PCSK2: variants seen among roughly 807,000 people sequenced by gnomAD.
PCSK2 encodes the protein neuroendocrine convertase 2.
PCSK2 carries 14 observed loss-of-function variants against 69.7 expected under a neutral mutation model. The observed-to-expected ratio is 0.20, with a 90% CI of 0.13 to 0.31. The LOEUF (loss-of-function observed/expected upper bound fraction) is 0.31. PCSK2 is among the 10% of genes least tolerant of loss of function. The probability of loss-of-function intolerance (pLI) is 1.00; values close to 1 mark genes in which losing one functional copy is unlikely to be tolerated. For synonymous variants in PCSK2, 307 were observed against 320.7 expected, an observed-to-expected ratio of 0.96 and a Z score of 0.46; for missense variants, 544 against 842.5, an observed-to-expected ratio of 0.65 and a Z score of 4.39.
At chr20:17,272,245 G>A (rs968904547) in intron 2 of PCSK2, among the ~76,000 whole-genome samples, 12 of 152,050 alleles carry the variant, frequency 7.9e-5, no homozygotes, top group African/African-American at 1.9e-4. Flanking sequence ...ATCCAGGTCT[G>A]CTCTGATTAT....
chr20:17,350,748 T>C (rs1218722983), intron 2 of PCSK2, among the ~76,000 whole-genome samples: 1 of 152,110 alleles, frequency 6.6e-6, no homozygotes, highest in Non-Finnish European at 1.5e-5. Flanking sequence ...CACAGTTTTG[T>C]TGGGAAGATT....
rs61156656 is a variant in PCSK2 at position 17,450,017 on chromosome 20, C to CTTTTTTTTTTTTTT, written c.886-3708_886-3695dup. ...TTTTTAAGTTTGTTGAATTTCTTCC[C>CTTTTTTTTTTTTTT]TTTTTTTTTTTTTTTTTTTTTTTTT... On this transcript the variant is annotated intron_variant, in intron 8 of 11. Transcript: ENST00000262545. Among the ~76,000 whole-genome samples the CTTTTTTTTTTTTTT allele has an allele frequency of 1.1e-3, 69 of 61,834 alleles. 12 individuals carry two copies. Among genetic ancestry groups the CTTTTTTTTTTTTTT allele is most frequent in the Non-Finnish European group, 1.6e-3 (56 of 34,974 alleles). 40.6% of individuals were successfully genotyped at this position (61,834 alleles called of 152,430 possible).
chr20:17,398,248 G>T (rs1425196375), intron 5 of PCSK2, among the ~76,000 whole-genome samples: 7 of 152,140 alleles, frequency 4.6e-5, no homozygotes, highest in Non-Finnish European at 1.0e-4. Context: ...GTGTGGGCTG[G>T]ATGCAGTGTC....
intron 5 of PCSK2, among the ~76,000 whole-genome samples, chr20:17,383,670 A>G (rs1457612943): frequency 6.6e-6 from 1 of 151,976 alleles, no homozygotes; most frequent in Admixed American, 6.5e-5. Context: ...AAGAAAGAGG[A>G]AAAAAACCAA....
chr20:17,478,227 GT>G (rs911521889), intron 11 of PCSK2, among the ~76,000 whole-genome samples: 2 of 151,788 alleles, frequency 1.3e-5, no homozygotes, highest in South Asian at 2.1e-4. Context: ...TAAAACAACT[GT>G]TTTTTTTCCT....
At chr20:17,267,579 CAG>C (rs1987669226) in intron 2 of PCSK2, among the ~76,000 whole-genome samples, 1 of 152,114 alleles carries the variant, frequency 6.6e-6, no homozygotes, top group Admixed American at 6.6e-5. Context: ...TTGTGGGGAA[CAG>C]GGGAGAATTA....
At chr20:17,283,251 G>C (rs1279614527) in intron 2 of PCSK2, among the ~76,000 whole-genome samples, 3 of 152,182 alleles carry the variant, frequency 2.0e-5, no homozygotes, top group Non-Finnish European at 4.4e-5. Flanking sequence ...TAAATGAATA[G>C]ATAGGTAAAG....
intron 2 of PCSK2, among the ~76,000 whole-genome samples, chr20:17,347,302 T>A (rs892364025): frequency 6.6e-6 from 1 of 152,208 alleles, no homozygotes; most frequent in Admixed American, 6.5e-5. Context: ...TCCTGGCATC[T>A]GACTGCCATG....
At chr20:17,409,119 A>G (rs1387705577) in intron 5 of PCSK2, 144 bp from the exon 6 acceptor site, 17 of 651,640 alleles carry the variant, frequency 2.6e-5, no homozygotes, top group Non-Finnish European at 4.1e-5. Flanking sequence ...CTTTGGCTCC[A>G]ACACAATTTT....
chr20:17,456,487 G>A (rs771521126), intron 10 of PCSK2, 39 bp downstream of exon 10: 1 of 1,121,784 alleles, frequency 8.9e-7, no homozygotes, highest in African/African-American at 1.5e-5. Context: ...AGCTCTGCAG[G>A]GTGGACTAAC....
Position 17,394,926 on chromosome 20 carries a change from A to G in PCSK2, c.544-14337A>G, listed in dbSNP as rs535778989. ...TAGCTGTGAAAAGAACCAGAAGTGC[A>G]TTTAATCTTTCTTCAGAACAGTTGG... On this transcript the variant is annotated intron_variant, in intron 5 of 11. Coordinates refer to ENST00000262545, the MANE Select transcript of PCSK2 (RefSeq NM_002594.5). 1.8e-4 allele frequency among the ~76,000 whole-genome samples: 27 copies of G among 152,356 alleles called. No individual in the cohort carries two copies. In the South Asian group the frequency reaches 5.4e-3, roughly 30 times the overall value.
intron 7 of PCSK2, among the ~76,000 whole-genome samples, chr20:17,431,015 C>T (rs1213411872): frequency 6.6e-6 from 1 of 152,128 alleles, no homozygotes; most frequent in African/African-American, 2.4e-5. Flanking sequence ...ATTGAGTGCT[C>T]ATCAAATGTA....
At chr20:17,387,526 C>A (rs533866545) in intron 5 of PCSK2, among the ~76,000 whole-genome samples, 2 of 152,240 alleles carry the variant, frequency 1.3e-5, no homozygotes, top group South Asian at 2.1e-4. Context: ...CCTCCTTGCA[C>A]GTAGCTCTCC....
intron 1 of PCSK2, among the ~76,000 whole-genome samples, chr20:17,254,765 G>T (rs900965927): frequency 1.3e-5 from 2 of 152,186 alleles, no homozygotes; most frequent in Non-Finnish European, 2.9e-5. Flanking sequence ...AGAATTTACA[G>T]ATAAGTTAGG....
chr20:17,406,416 A>G (rs1409476937), intron 5 of PCSK2, among the ~76,000 whole-genome samples: 2 of 152,248 alleles, frequency 1.3e-5, no homozygotes, highest in Non-Finnish European at 2.9e-5. Context: ...TTAGTCATCA[A>G]AACTTCATTG....
In PCSK2 at chr20:17,436,709, C is replaced by T. The variant is rs1037435779; in HGVS notation, c.711C>T (p.Gly237=). The stretch of plus-strand genomic sequence containing the variant: ...GTCCTCTGCTCAACGTGTCCACAGG[C>T]ATCCGGATGCTGGACCAGCCATTCA... ...VGVAYNSKVA[G]IRMLDQPFMT... The change falls in exon 8 of 12, where the codon GGC becomes GGT. Residue 237 remains glycine, a splice_region_variant and synonymous_variant. Transcript: ENST00000262545. 3 of 1,611,010 alleles carry T rather than the reference C, an allele frequency of 1.9e-6. No homozygotes were observed. The Admixed American group carries it at 5.0e-5, about 27-fold the overall frequency.
intron 11 of PCSK2, 82 bp downstream of exon 11, chr20:17,465,635 C>G (rs74999417): frequency 0.1 from 86,673 of 834,194 alleles, 5,118 homozygotes; most frequent in Non-Finnish European, 0.12. Context: ...ATATCACATT[C>G]CCTCTTCATG....
intron 1 of PCSK2, among the ~76,000 whole-genome samples, chr20:17,254,262 C>T (rs1987097109): frequency 6.6e-6 from 1 of 152,124 alleles, no homozygotes; most frequent in Non-Finnish European, 1.5e-5. Flanking sequence ...TCTAAGAAAA[C>T]ATTGCCTAAC....
intron 2 of PCSK2, among the ~76,000 whole-genome samples, chr20:17,315,589 C>A (rs1454735585): frequency 6.6e-6 from 1 of 152,226 alleles, no homozygotes; most frequent in East Asian, 1.9e-4. Context: ...AGGGGCGGAG[C>A]TGAGGGGCCC....
Sources: gnomAD v4.1 joint callset for allele counts (sites outside exome capture counted in the v4.1 genomes callset) on GRCh38, gnomAD v4.1.1 for gene constraint, MANE v1.5 for transcripts, NCBI Gene and HGNC (gene_info 2026-07-23, HGNC 2026-07-21) for gene names.